Variants in TK1 observed in about 807,000 individuals in gnomAD.
TK1 encodes the protein thymidine kinase, cytosolic.
A neutral mutation model predicts 22.4 loss-of-function variants in TK1; 13 were observed. The ratio of observed to expected loss-of-function variants is 0.58; its 90% CI spans 0.38 to 0.92. The LOEUF (loss-of-function observed/expected upper bound fraction) is 0.92, where lower values mean the gene tolerates loss of function less well. Ranked by LOEUF, TK1 falls within the 40% of genes least tolerant of loss-of-function variation. The pLI, the probability that TK1 is intolerant of heterozygous loss-of-function variation, is 0.00. For synonymous variants in TK1, 134 were observed against 125.4 expected, an observed-to-expected ratio of 1.07 and a Z score of -0.46; for missense variants, 251 against 315.7, an observed-to-expected ratio of 0.80 and a Z score of 1.55.
Position 78,175,415 on chromosome 17 carries a change from G to T in TK1, c.393+114C>A, listed in dbSNP as rs1175987178. The T allele has an allele frequency of 2.2e-5, 26 of 1,179,052 alleles. No individual in the cohort carries two copies. In the South Asian group the frequency reaches 3.7e-4, roughly 17 times the overall value. The allele number at this position is 1,179,052 out of a possible 1,614,324, so 73.0% of individuals were successfully genotyped here. On this transcript the variant is annotated intron_variant, in intron 5 of 6. Transcript: ENST00000301634. ...GCTCAGCCAAGGCCTGAGCAGCTCGGCCGTAACCCTGTGGTGGCTGAGCCC... is the reference window on the plus strand; with the variant it reads ...GCTCAGCCAAGGCCTGAGCAGCTCGTCCGTAACCCTGTGGTGGCTGAGCCC...
chr17:78,181,953 T>C (rs2075741121), intron 4 of TK1, among the ~76,000 whole-genome samples: 1 of 152,040 alleles, frequency 6.6e-6, no homozygotes, highest in Non-Finnish European at 1.5e-5. Context: ...GATGGGGTTT[T>C]ACTATGTTGC....
chr17:78,174,623 G>A lies in TK1; in HGVS notation c.*136C>T, dbSNP rs952706226. ...GCGGCAGGTGGGGCAGCCACACAAA[G>A]GAGAGTTCCCAGAAGGCCAAGGTGT... On this transcript the variant is annotated 3_prime_UTR_variant, in exon 7 of 7. Coordinates refer to ENST00000301634, the MANE Select transcript of TK1 (RefSeq NM_003258.5). 1 of 998,194 alleles carries A rather than the reference G, an allele frequency of 1.0e-6. No homozygotes were observed. 61.8% of individuals were successfully genotyped at this position (998,194 alleles called of 1,614,324 possible). A position where few individuals can be genotyped will look rare whatever the true frequency, so the allele number is the denominator to read the frequency against.
chr17:78,187,028 C>CT lies in TK1; in HGVS notation c.-35dup, dbSNP rs1465434749. On this transcript the variant is annotated 5_prime_UTR_variant, in exon 1 of 7. Coordinates refer to ENST00000301634, the MANE Select transcript of TK1 (RefSeq NM_003258.5). Reference sequence around the variant, plus strand: ...CGGGAAGTTCACGAACCCGAGTACTCTCCAAGGCCGTCCCGCAGTAAGCCC... The same window carrying CT: ...CGGGAAGTTCACGAACCCGAGTACTCTTCCAAGGCCGTCCCGCAGTAAGCCC... The CT allele has an allele frequency of 6.3e-7, 1 of 1,586,626 alleles. No individual in the cohort carries two copies. The highest frequency in any genetic ancestry group is 8.6e-7 in the Non-Finnish European group (1 of 1,165,740).
chr17:78,186,404 G>C (rs2075794387), intron 2 of TK1, among the ~76,000 whole-genome samples: 1 of 152,034 alleles, frequency 6.6e-6, no homozygotes, highest in Non-Finnish European at 1.5e-5. Context: ...GGCCTTAGAA[G>C]GAAACAGCCA....
At chr17:78,176,536 G>A (rs933102825) in intron 4 of TK1, among the ~76,000 whole-genome samples, 4 of 152,164 alleles carry the variant, frequency 2.6e-5, no homozygotes, top group Non-Finnish European at 4.4e-5. Flanking sequence ...AAAGCCCAAC[G>A]TGACTGATTG....
rs2075682419 is a variant in TK1, at chr17:78,174,458, G to A, written c.*301C>T. On this transcript the variant is annotated 3_prime_UTR_variant, in exon 7 of 7. Coordinates refer to ENST00000301634, the MANE Select transcript of TK1 (RefSeq NM_003258.5). ...GAAGCAGGCTGATGTCAACAGCGTGGGGCTCTGTCCCTCACCCCAAGGAGA... is the reference window on the plus strand; with the variant it reads ...GAAGCAGGCTGATGTCAACAGCGTGAGGCTCTGTCCCTCACCCCAAGGAGA... The A allele has an allele frequency of 2.5e-6, 1 of 407,514 alleles. No homozygotes were observed. Among genetic ancestry groups the A allele is most frequent in the Non-Finnish European group, 4.4e-6 (1 of 225,560 alleles). 25.2% of individuals were successfully genotyped at this position (407,514 alleles called of 1,614,324 possible). A position where few individuals can be genotyped will look rare whatever the true frequency, so the allele number is the denominator to read the frequency against.
rs918907463 is a variant in TK1 at position 78,175,224 on chromosome 17, T to G, written c.394-55A>C. ...TCAGCCACCTTACCAGGTGGGTTTT[T>G]CTTTTAAACCCTCTGATTCACAAGC... is the stretch of plus-strand genomic sequence containing the variant. On this transcript the variant is annotated intron_variant, in intron 5 of 6. Coordinates refer to ENST00000301634, the MANE Select transcript of TK1 (RefSeq NM_003258.5). 47 of 1,568,794 alleles carry G rather than the reference T, an allele frequency of 3.0e-5. 3 individuals carry two copies. The South Asian group carries it at 4.9e-4, about 17-fold the overall frequency.
At chr17:78,181,553 AC>A (rs1328809799) in intron 4 of TK1, among the ~76,000 whole-genome samples, 4 of 145,850 alleles carry the variant, frequency 2.7e-5, no homozygotes, top group East Asian at 4.0e-4. Context: ...AAAAAAAAAA[AC>A]CCAAACCCAC....
chr17:78,176,775 C>T (rs2075703226), intron 4 of TK1, among the ~76,000 whole-genome samples: 1 of 152,234 alleles, frequency 6.6e-6, no homozygotes, highest in Non-Finnish European at 1.5e-5. Context: ...GGCCGGATCT[C>T]GCTGTGTCCT....
chr17:78,183,544 A>T (rs547796264), intron 3 of TK1, among the ~76,000 whole-genome samples: 175 of 152,160 alleles, frequency 1.2e-3, no homozygotes, highest in African/African-American at 4.0e-3. Context: ...TGTAAAAATT[A>T]ACTGGGTGTG....
rs1390490241 is a variant in TK1 at position 78,175,233 on chromosome 17, C to T, written c.394-64G>A. On this transcript the variant is annotated intron_variant, in intron 5 of 6. Transcript: ENST00000301634. ...TTACCAGGTGGGTTTTTCTTTTAAA[C>T]CCTCTGATTCACAAGCACTGAAGCC... 4.8e-6 allele frequency: 7 copies of T among 1,445,476 alleles called. 1 individual carries two copies. In the African/African-American group the frequency reaches 9.6e-5, roughly 20 times the overall value. The allele number at this position is 1,445,476 out of a possible 1,614,324, so 89.5% of individuals were successfully genotyped here.
At chr17:78,179,804 T>C in intron 4 of TK1, 2 of 954,664 alleles carry the variant, frequency 2.1e-6, no homozygotes, top group Middle Eastern at 5.4e-4. Context: ...GCGTGGTGGC[T>C]CACGCCTGTA....
intron 3 of TK1, among the ~76,000 whole-genome samples, chr17:78,184,533 G>A (rs751190465): frequency 6.6e-6 from 1 of 151,502 alleles, no homozygotes; most frequent in Non-Finnish European, 1.5e-5. Flanking sequence ...AAACAGGGAA[G>A]CGTGAAGGCT....
At chr17:78,183,514 G>A (rs948018740) in intron 3 of TK1, among the ~76,000 whole-genome samples, 5 of 152,078 alleles carry the variant, frequency 3.3e-5, no homozygotes, top group Admixed American at 1.3e-4. Context: ...GTAACACAGC[G>A]AGACACTGTG....
chr17:78,175,338 G>A lies in TK1; in HGVS notation c.394-169C>T, dbSNP rs372322746. On this transcript the variant is annotated intron_variant, in intron 5 of 6. Transcript: ENST00000301634. ...GGCTCTGTCCCTTTGCCAATTCAAA[G>A]CACCTGCCGCAACAGATGGCACGCA... is the stretch of plus-strand genomic sequence containing the variant. Among the ~76,000 whole-genome samples, 15 of 151,790 alleles carry A rather than the reference G, an allele frequency of 9.9e-5. No individual in the cohort carries two copies. In the East Asian group the frequency reaches 1.9e-3, roughly 20 times the overall value.
At chr17:78,186,550 C>G (rs577450774) in intron 2 of TK1, among the ~76,000 whole-genome samples, 1 of 151,932 alleles carries the variant, frequency 6.6e-6, no homozygotes, top group Non-Finnish European at 1.5e-5. Flanking sequence ...GGCGTCCACA[C>G]AGGACGAGGG....
At chr17:78,185,018 T>C (rs759146893) in intron 3 of TK1, 37 bp downstream of exon 3, 15 of 1,534,002 alleles carry the variant, frequency 9.8e-6, no homozygotes, top group African/African-American at 1.4e-5. Flanking sequence ...GCCTTGTGAT[T>C]TTCCACTGGA....
In TK1 at chr17:78,186,975, G is replaced by T; in HGVS notation, c.20C>A (p.Pro7His). The change falls in exon 1 of 7, where the codon CCC (proline) becomes CAC (histidine). Residue 7 changes from proline (P) to histidine (H), a missense_variant. Pro to His is a moderately conservative substitution (Grantham distance 77). Coordinates refer to ENST00000301634, the MANE Select transcript of TK1 (RefSeq NM_003258.5). ...GCTGGGGGAGCCAGGCAGCACAGTGGGCAGGTTAATGCAGCTCATTGCGCC... is the reference window on the plus strand; with the variant it reads ...GCTGGGGGAGCCAGGCAGCACAGTGTGCAGGTTAATGCAGCTCATTGCGCC... MSCINL[P>H]TVLPGSPSKT... The T allele has an allele frequency of 3.2e-6, 5 of 1,580,270 alleles. No individual in the cohort carries two copies.
chr17:78,184,907 G>A (rs1398748712), intron 3 of TK1, 148 bp downstream of exon 3: 7 of 646,866 alleles, frequency 1.1e-5, no homozygotes, highest in African/African-American at 5.4e-5. Flanking sequence ...GAGAGTGTGC[G>A]CTACCTTGCC....
Sources: gnomAD v4.1 joint callset for allele counts (sites outside exome capture counted in the v4.1 genomes callset) on GRCh38, gnomAD v4.1.1 for gene constraint, MANE v1.5 for transcripts, NCBI Gene and HGNC (gene_info 2026-07-23, HGNC 2026-07-21) for gene names.